DLG2: variants seen among roughly 807,000 people sequenced by gnomAD.
The protein encoded by DLG2 is discs large MAGUK scaffold protein 2, also known as disks large homolog 2.
A neutral mutation model predicts 132.5 loss-of-function variants in DLG2; 45 were observed. The ratio of observed to expected loss-of-function variants is 0.34; its 90% CI spans 0.27 to 0.44. DLG2 has a LOEUF of 0.44. Ranked by LOEUF, DLG2 falls within the 20% of genes least tolerant of loss-of-function variation. The pLI is 1.00. For synonymous variants in DLG2, 424 were observed against 419.6 expected, an observed-to-expected ratio of 1.01 and a Z score of -0.13; for missense variants, 1,045 against 1,196.9, an observed-to-expected ratio of 0.87 and a Z score of 1.87.
At chr11:84,273,284 C>A in intron 7 of DLG2, 1 of 1,259,814 alleles carries the variant, frequency 7.9e-7, no homozygotes, top group Non-Finnish European at 1.0e-6. Context: ...TCAAACTGAG[C>A]TCACAGAACC....
chr11:84,266,742 G>A (rs1441152372), intron 7 of DLG2, among the ~76,000 whole-genome samples: 3 of 152,162 alleles, frequency 2.0e-5, no homozygotes, highest in African/African-American at 7.2e-5. Context: ...AGGCAGAGTT[G>A]GTGGATGTGA....
At chr11:85,132,954 T>G (rs1450804386) in intron 5 of DLG2, 1 of 398,350 alleles carries the variant, frequency 2.5e-6, no homozygotes, top group East Asian at 7.2e-5. Context: ...ACTCGAGCCC[T>G]CCTCCATACA....
At chr11:84,502,209 T>TTC (rs2099211758) in intron 7 of DLG2, among the ~76,000 whole-genome samples, 1 of 1,004 alleles carries the variant, frequency 1.0e-3, no homozygotes, top group Non-Finnish European at 2.3e-3. Flanking sequence ...TCTCCTTCCT[T>TTC]CCTTCCTTCC....
chr11:85,074,271 C>A (rs537641815), intron 6 of DLG2, among the ~76,000 whole-genome samples: 14 of 151,944 alleles, frequency 9.2e-5, no homozygotes, highest in African/African-American at 3.4e-4. Flanking sequence ...AATCTTGAGT[C>A]CCCTTGGGAT....
intron 15 of DLG2, among the ~76,000 whole-genome samples, chr11:83,906,145 G>A (rs1026126144): frequency 6.9e-6 from 1 of 144,802 alleles, no homozygotes; most frequent in Non-Finnish European, 1.5e-5. Flanking sequence ...CAAAATAAAA[G>A]TTATAAATAG....
At chr11:85,227,542 T>C (rs2075047316) in intron 4 of DLG2, among the ~76,000 whole-genome samples, 1 of 152,122 alleles carries the variant, frequency 6.6e-6, no homozygotes, top group Admixed American at 6.6e-5. Flanking sequence ...AAAGCTAGTA[T>C]CAAAAATGAG....
chr11:83,700,613 A>G (rs1048374086), intron 18 of DLG2, among the ~76,000 whole-genome samples: 3 of 152,224 alleles, frequency 2.0e-5, no homozygotes, highest in African/African-American at 7.2e-5. Context: ...CAAAATGAGA[A>G]AAGATGAACA....
intron 7 of DLG2, among the ~76,000 whole-genome samples, chr11:84,525,547 A>T (rs973885586): frequency 6.6e-6 from 1 of 152,098 alleles, no homozygotes; most frequent in Non-Finnish European, 1.5e-5. Context: ...CTTTACATCA[A>T]AGCTTATCTA....
rs557200584 is a variant in DLG2, at chr11:84,603,693, T to C, written c.358-68962A>G. 1.4e-3 allele frequency among the ~76,000 whole-genome samples: 215 copies of C among 152,112 alleles called. 1 individual carries two copies. The highest frequency in any genetic ancestry group is 2.3e-3 in the Non-Finnish European group (157 of 67,872). On this transcript the variant is annotated intron_variant, in intron 6 of 27. Transcript: ENST00000376104. ...TCTTCTTTGTTACCAAGATCTATCT[T>C]CTTAGTTCTCACAATATATCTTATC...
intron 3 of DLG2, among the ~76,000 whole-genome samples, chr11:85,340,735 T>A (rs1250044664): frequency 6.6e-6 from 1 of 152,200 alleles, no homozygotes; most frequent in Non-Finnish European, 1.5e-5. Context: ...TGTCCTTAAT[T>A]TTGTTTATGG....
chr11:85,504,549 T>C (rs1259887583), intron 3 of DLG2, among the ~76,000 whole-genome samples: 1 of 152,218 alleles, frequency 6.6e-6, no homozygotes, highest in Non-Finnish European at 1.5e-5. Context: ...TTCTGAGGAC[T>C]CTGTTCTGTT....
chr11:84,760,428 G>GT (rs2067458388), intron 6 of DLG2, among the ~76,000 whole-genome samples: 1 of 152,168 alleles, frequency 6.6e-6, no homozygotes. Context: ...AATGTTACAG[G>GT]TTTACCAATA....
intron 6 of DLG2, among the ~76,000 whole-genome samples, chr11:84,622,729 G>A (rs143243027): frequency 1.1e-4 from 16 of 152,180 alleles, no homozygotes; most frequent in African/African-American, 3.6e-4. Context: ...CATTAGACAT[G>A]GTCAAAGAAT....
chr11:84,934,853 A>G (rs2154093550), intron 6 of DLG2, among the ~76,000 whole-genome samples: 1 of 152,090 alleles, frequency 6.6e-6, no homozygotes, highest in South Asian at 2.1e-4. Flanking sequence ...ATTCCATTAC[A>G]TCTTATTATC....
chr11:83,830,304 T>C (rs1324129428), intron 17 of DLG2, among the ~76,000 whole-genome samples: 1 of 152,254 alleles, frequency 6.6e-6, no homozygotes, highest in Non-Finnish European at 1.5e-5. Flanking sequence ...AATATTTAAA[T>C]GGATAAATCT....
chr11:84,096,512 A>C (rs2097167472), intron 10 of DLG2, among the ~76,000 whole-genome samples: 1 of 152,192 alleles, frequency 6.6e-6, no homozygotes, highest in South Asian at 2.1e-4. Flanking sequence ...AACATATATA[A>C]ACATATAACA....
At chr11:85,172,916 TAG>T (rs1467507758) in intron 4 of DLG2, among the ~76,000 whole-genome samples, 5 of 151,572 alleles carry the variant, frequency 3.3e-5, no homozygotes, top group African/African-American at 1.2e-4. Context: ...GCAAAAAAAA[TAG>T]AGAGTAAAGA....
intron 6 of DLG2, among the ~76,000 whole-genome samples, chr11:84,941,233 T>A (rs185611843): frequency 1.3e-5 from 2 of 152,336 alleles, no homozygotes; most frequent in East Asian, 3.9e-4. Flanking sequence ...TCACATAAAA[T>A]TTTTAAGATT....
intron 8 of DLG2, among the ~76,000 whole-genome samples, chr11:84,214,804 T>C (rs1356306487): frequency 1.3e-5 from 2 of 152,218 alleles, no homozygotes; most frequent in African/African-American, 2.4e-5. Context: ...CTTGGCTCAA[T>C]TTTAAGAGTA....
Sources: gnomAD v4.1 joint callset for allele counts (sites outside exome capture counted in the v4.1 genomes callset) on GRCh38, gnomAD v4.1.1 for gene constraint, MANE v1.5 for transcripts, NCBI Gene and HGNC (gene_info 2026-07-23, HGNC 2026-07-21) for gene names.